DSCAM: variants seen among roughly 807,000 people sequenced by gnomAD.
DSCAM encodes DS cell adhesion molecule.
A neutral mutation model predicts 217.7 loss-of-function variants in DSCAM; 47 were observed. That is an observed-to-expected ratio of 0.22 (90% confidence interval 0.17 to 0.28). The LOEUF (loss-of-function observed/expected upper bound fraction) is 0.28, where lower values mean the gene tolerates loss of function less well. DSCAM is among the 10% of genes least tolerant of loss of function. The pLI is 1.00. For synonymous variants in DSCAM, 1,056 were observed against 1,015.3 expected (o/e 1.04, Z -0.76); for missense variants, 2,080 against 2,618.3 (o/e 0.79, Z 4.49).
intron 28 of DSCAM, among the ~76,000 whole-genome samples, chr21:40,058,043 T>G (rs892955660): frequency 6.6e-6 from 1 of 151,948 alleles, no homozygotes; most frequent in East Asian, 1.9e-4. Context: ...GTCTGGCTTT[T>G]TTGTATTTTT....
intron 1 of DSCAM, among the ~76,000 whole-genome samples, chr21:40,761,361 A>T (rs1212113011): frequency 6.6e-6 from 1 of 152,022 alleles, no homozygotes; most frequent in Non-Finnish European, 1.5e-5. Context: ...TTCAAAGCCA[A>T]CAACATAGCA....
At chr21:40,786,430 A>C (rs1024075592) in intron 1 of DSCAM, among the ~76,000 whole-genome samples, 1 of 152,206 alleles carries the variant, frequency 6.6e-6, no homozygotes, top group African/African-American at 2.4e-5. Context: ...AATGAGGTCC[A>C]CGAACCAGCA....
At chr21:40,826,666 C>T (rs1055164226) in intron 1 of DSCAM, among the ~76,000 whole-genome samples, 3 of 152,134 alleles carry the variant, frequency 2.0e-5, no homozygotes, top group Non-Finnish European at 4.4e-5. Context: ...ATGTGAAGGA[C>T]AGAGAGGAAT....
chr21:40,493,942 A>G lies in DSCAM; in HGVS notation c.509-124697T>C, dbSNP rs1248513652. Among the ~76,000 whole-genome samples, 5 of 150,500 alleles carry G rather than the reference A, an allele frequency of 3.3e-5. No homozygotes were observed. The East Asian group carries it at 9.7e-4, about 29-fold the overall frequency. On this transcript the variant is annotated intron_variant, in intron 3 of 32. Transcript: ENST00000400454. ...GGCGAAGTGAAAGTGTAGCCTTTGTATGCAATTAAAGTTATGTCATTAGTA... is the reference window on the plus strand; with the variant it reads ...GGCGAAGTGAAAGTGTAGCCTTTGTGTGCAATTAAAGTTATGTCATTAGTA...
chr21:40,474,672 A>T (rs1212739030), intron 3 of DSCAM, among the ~76,000 whole-genome samples: 3 of 152,150 alleles, frequency 2.0e-5, no homozygotes, highest in Non-Finnish European at 4.4e-5. Context: ...GAATTACCTC[A>T]GGTTTGCACA....
At chr21:40,559,965 T>C (rs934236685) in intron 3 of DSCAM, among the ~76,000 whole-genome samples, 13 of 152,050 alleles carry the variant, frequency 8.5e-5, no homozygotes, top group Non-Finnish European at 1.9e-4. Flanking sequence ...GGCTAATTTT[T>C]TGTATTTTTA....
chr21:40,107,861 T>C (rs1230504678), intron 20 of DSCAM, among the ~76,000 whole-genome samples: 1 of 152,230 alleles, frequency 6.6e-6, no homozygotes, highest in East Asian at 1.9e-4. Flanking sequence ...TGCTTTTTTC[T>C]GTTTTTGATT....
intron 20 of DSCAM, among the ~76,000 whole-genome samples, chr21:40,112,664 C>T (rs76849435): frequency 0.31 from 47,418 of 151,702 alleles, 8,384 homozygotes; most frequent in Non-Finnish European, 0.4. Flanking sequence ...ATTGATAGAC[C>T]GCTAGCAAGA....
chr21:40,497,964 C>T (rs1031369900), intron 3 of DSCAM, among the ~76,000 whole-genome samples: 1 of 152,094 alleles, frequency 6.6e-6, no homozygotes, highest in Non-Finnish European at 1.5e-5. Flanking sequence ...TACTGGATTT[C>T]GAGTATAATC....
intron 3 of DSCAM, among the ~76,000 whole-genome samples, chr21:40,579,126 TCACA>T (rs967447180): frequency 5.8e-4 from 89 of 152,274 alleles, no homozygotes; most frequent in African/African-American, 2.0e-3. Context: ...GGAACAATTC[TCACA>T]CAGACCACAG....
intron 5 of DSCAM, among the ~76,000 whole-genome samples, chr21:40,348,190 A>C (rs1464958496): frequency 1.1e-3 from 169 of 152,084 alleles, no homozygotes; most frequent in African/African-American, 3.7e-3. Flanking sequence ...CCTATCAGCC[A>C]CATTATTGCA....
chr21:40,211,665 C>T (rs2091185490), intron 11 of DSCAM, among the ~76,000 whole-genome samples: 2 of 152,220 alleles, frequency 1.3e-5, no homozygotes, highest in African/African-American at 4.8e-5. Context: ...TTTCCAAAGG[C>T]AGTGACTTGT....
intron 3 of DSCAM, among the ~76,000 whole-genome samples, chr21:40,528,076 C>T (rs2076413965): frequency 6.6e-6 from 1 of 152,134 alleles, no homozygotes; most frequent in South Asian, 2.1e-4. Flanking sequence ...TGGTTCAGTG[C>T]CCAAAACCAT....
At chr21:40,254,013 C>G (rs1441143191) in intron 11 of DSCAM, among the ~76,000 whole-genome samples, 1 of 152,158 alleles carries the variant, frequency 6.6e-6, no homozygotes, top group East Asian at 1.9e-4. Context: ...GACATAAGAG[C>G]AGTCTTGTTA....
At chr21:40,717,543 C>A (rs1230387021) in intron 1 of DSCAM, among the ~76,000 whole-genome samples, 2 of 152,174 alleles carry the variant, frequency 1.3e-5, no homozygotes, top group Non-Finnish European at 2.9e-5. Flanking sequence ...ATGGGGATGA[C>A]CCTCAATTAC....
At chr21:40,771,547 A>C (rs2091445320) in intron 1 of DSCAM, among the ~76,000 whole-genome samples, 1 of 152,334 alleles carries the variant, frequency 6.6e-6, no homozygotes, top group East Asian at 1.9e-4. Context: ...TTCTGCAAAG[A>C]GCACTTGCGT....
At chr21:40,584,527 G>A (rs972085190) in intron 3 of DSCAM, among the ~76,000 whole-genome samples, 7 of 152,270 alleles carry the variant, frequency 4.6e-5, no homozygotes, top group East Asian at 1.9e-4. Context: ...TGCCCATGGC[G>A]ATGTGCGGAG....
chr21:40,266,799 T>TATAC (rs1173276556), intron 11 of DSCAM, among the ~76,000 whole-genome samples: 63 of 129,506 alleles, frequency 4.9e-4, no homozygotes, highest in African/African-American at 1.8e-3. Context: ...TATATATATA[T>TATAC]ACACACACAC....
intron 1 of DSCAM, among the ~76,000 whole-genome samples, chr21:40,802,935 C>T (rs978433067): frequency 1.1e-4 from 16 of 152,316 alleles, no homozygotes; most frequent in Middle Eastern, 3.4e-3. Flanking sequence ...GACAGCATTA[C>T]GCAGCTGACC....
Sources: gnomAD v4.1 joint callset for allele counts (sites outside exome capture counted in the v4.1 genomes callset) on GRCh38, gnomAD v4.1.1 for gene constraint, MANE v1.5 for transcripts, NCBI Gene and HGNC (gene_info 2026-07-23, HGNC 2026-07-21) for gene names.